ONECUT1: variants seen among roughly 807,000 people sequenced by gnomAD.
ONECUT1 encodes the protein hepatocyte nuclear factor 6.
Under a neutral mutation model 25.6 loss-of-function variants are expected in ONECUT1, and 12 were observed. That is an observed-to-expected ratio of 0.47 (90% CI 0.30 to 0.76). The LOEUF (loss-of-function observed/expected upper bound fraction) is 0.76, where lower values mean the gene tolerates loss of function less well. Ranked by LOEUF, ONECUT1 falls within the 30% of genes least tolerant of loss-of-function variation. The pLI is 0.07. For missense variants in ONECUT1, 620 were observed against 651.2 expected (o/e 0.95, Z 0.52); for synonymous variants, 285 against 270.2 (o/e 1.05, Z -0.54).
intron 1 of ONECUT1, among the ~76,000 whole-genome samples, chr15:52,767,132 C>T (rs190016444): frequency 2.8e-4 from 43 of 151,874 alleles, no homozygotes; most frequent in Admixed American, 1.4e-3. Flanking sequence ...AAGAGACTGG[C>T]CCAAGTCACC....
In ONECUT1 at chr15:52,788,861, A is replaced by T; in HGVS notation, c.1024T>A (p.Ser342Thr). The change falls in exon 1 of 2, where the codon TCC (serine) becomes ACC (threonine). Residue 342 changes from serine (S) to threonine (T), a missense_variant. Physicochemically the swap from Ser to Thr is moderately conservative, Grantham distance 58 (BLOSUM62 1). This residue lies in a region of ONECUT1 where 146 missense variants were observed against 201.8 expected (regional missense o/e 0.72). Transcript: ENST00000305901. This position sits in a 1 kb window ranked among gnomAD's most constrained non-coding sequence, Gnocchi z 4.3. ...ATCCTCCGGAAGGTCTCCCGGCCGG[A>T]TTTGAGTTTGCTCCAGGGTTTGGGG... ...RNPKPWSKLK[S>T]GRETFRRMWK... 1 of 1,613,940 alleles carries T rather than the reference A, an allele frequency of 6.2e-7. No individual in the cohort carries two copies. The highest frequency in any genetic ancestry group is 8.5e-7 in the Non-Finnish European group (1 of 1,179,984).
chr15:52,783,789 C>T (rs2083856382), intron 1 of ONECUT1, among the ~76,000 whole-genome samples: 1 of 152,212 alleles, frequency 6.6e-6, no homozygotes, highest in Non-Finnish European at 1.5e-5. Flanking sequence ...AAGCATACTT[C>T]GGATACAAAA....
intron 1 of ONECUT1, among the ~76,000 whole-genome samples, chr15:52,778,411 G>C (rs909679015): frequency 6.6e-6 from 1 of 152,158 alleles, no homozygotes; most frequent in Admixed American, 6.5e-5. Flanking sequence ...ATGTCTCTAA[G>C]AGCATTTATG....
rs1344266596 is a variant in ONECUT1 at position 52,757,286 on chromosome 15, A to G, written c.*269T>C. 2 of 436,562 alleles carry G rather than the reference A, an allele frequency of 4.6e-6. No individual in the cohort carries two copies. 27.0% of individuals were successfully genotyped at this position (436,562 alleles called of 1,614,324 possible). A position where few individuals can be genotyped will look rare whatever the true frequency, so the allele number is the denominator to read the frequency against. On this transcript the variant is annotated 3_prime_UTR_variant, in exon 2 of 2. Coordinates refer to ENST00000305901, the MANE Select transcript of ONECUT1 (RefSeq NM_004498.4). ...AACCACTAAACAGCCAAGCACAGCG[A>G]GGATGGTCATGGATTGAAGGTGTGA...
At position 52,757,264 on chromosome 15, in the gene ONECUT1, C is replaced by A; in HGVS notation, c.*291G>T. 1 of 364,470 alleles carries A rather than the reference C, an allele frequency of 2.7e-6. No homozygotes were observed. The highest frequency in any genetic ancestry group is 5.0e-6 in the Non-Finnish European group (1 of 202,004). 22.6% of individuals were successfully genotyped at this position (364,470 alleles called of 1,614,324 possible). On this transcript the variant is annotated 3_prime_UTR_variant, in exon 2 of 2. Coordinates refer to ENST00000305901, the MANE Select transcript of ONECUT1 (RefSeq NM_004498.4). The stretch of plus-strand genomic sequence containing the variant: ...GGCTCAAAATCACTATGCTCCAAAC[C>A]ACTAAACAGCCAAGCACAGCGAGGA...
At chr15:52,764,871 G>C (rs529647842) in intron 1 of ONECUT1, among the ~76,000 whole-genome samples, 16 of 152,344 alleles carry the variant, frequency 1.1e-4, no homozygotes, top group Admixed American at 9.1e-4. Flanking sequence ...AGTCACGCAA[G>C]GGGTGTCTTG....
chr15:52,761,246 T>C (rs920239439), intron 1 of ONECUT1, among the ~76,000 whole-genome samples: 2 of 152,202 alleles, frequency 1.3e-5, no homozygotes, highest in Non-Finnish European at 2.9e-5. Context: ...CCTCCTTCTG[T>C]CCAGTCTTAC....
chr15:52,760,669 T>C (rs1237392379), intron 1 of ONECUT1, among the ~76,000 whole-genome samples: 1 of 151,922 alleles, frequency 6.6e-6, no homozygotes, highest in Non-Finnish European at 1.5e-5. Context: ...TATTAGTAGA[T>C]TGGTATTTGT....
rs573555390 is a variant in ONECUT1, at chr15:52,789,017, C to G, written c.868G>C (p.Glu290Gln). The G allele has an allele frequency of 4.4e-6, 7 of 1,608,542 alleles. No homozygotes were observed. In the African/African-American group the frequency reaches 9.3e-5, roughly 21 times the overall value. Residue 290 changes from glutamate to glutamine, a missense_variant, in exon 1 of 2, where the codon GAA (glutamate) becomes CAA (glutamine). Glu to Gln is a conservative substitution (Grantham distance 29). Transcript: ENST00000305901. This position sits in a 1 kb window ranked among gnomAD's most constrained non-coding sequence, Gnocchi z 4.1. Reference sequence around the variant, plus strand: ...GCCACCTCTTTGGTATTGATCTCTTCCATCTGCCCTGAATTACTTCCATTG... The same window carrying G: ...GCCACCTCTTTGGTATTGATCTCTTGCATCTGCCCTGAATTACTTCCATTG... ...VSNGSNSGQM[E>Q]EINTKEVAQR...
In ONECUT1 at chr15:52,784,747, G is replaced by A. The variant is rs913994255; in HGVS notation, c.1105+4033C>T. Among the ~76,000 whole-genome samples, 10 of 152,324 alleles carry A rather than the reference G, an allele frequency of 6.6e-5. No individual in the cohort carries two copies. The highest frequency in any genetic ancestry group is 6.5e-4 in the Admixed American group (10 of 15,308). On this transcript the variant is annotated intron_variant, in intron 1 of 1. Coordinates refer to ENST00000305901, the MANE Select transcript of ONECUT1 (RefSeq NM_004498.4). The surrounding 1 kb of genome is among the most constrained non-coding windows in gnomAD (Gnocchi z 5.0). ...CGAGACCTTTTTTGGTTTTGCAGTCGGCTAGGTGTGTGTGTGTGAGGGTCC... is the reference window on the plus strand; with the variant it reads ...CGAGACCTTTTTTGGTTTTGCAGTCAGCTAGGTGTGTGTGTGTGAGGGTCC...
intron 1 of ONECUT1, among the ~76,000 whole-genome samples, chr15:52,758,645 G>A (rs538335895): frequency 6.6e-6 from 1 of 152,096 alleles, no homozygotes; most frequent in East Asian, 1.9e-4. Context: ...TCACTTACTT[G>A]GTCTCCCACT....
intron 1 of ONECUT1, chr15:52,780,913 G>A: frequency 7.8e-7 from 1 of 1,283,208 alleles, no homozygotes; most frequent in Non-Finnish European, 9.9e-7. Context: ...AGGAAGATGA[G>A]AAACACATGG....
At chr15:52,775,204 GCTAGAATA>G in intron 1 of ONECUT1, among the ~76,000 whole-genome samples, 1 of 146,344 alleles carries the variant, frequency 6.8e-6, no homozygotes, top group Non-Finnish European at 1.5e-5. Context: ...AAAAAAAAGA[GCTAGAATA>G]AGCTAGAATA....
chr15:52,760,865 A>G (rs192770019), intron 1 of ONECUT1, among the ~76,000 whole-genome samples: 228 of 152,270 alleles, frequency 1.5e-3, no homozygotes, highest in African/African-American at 5.2e-3. Flanking sequence ...ACTGGAAAGC[A>G]GCAAGATTAG....
At chr15:52,783,955 T>A (rs759206433) in intron 1 of ONECUT1, among the ~76,000 whole-genome samples, 1 of 152,194 alleles carries the variant, frequency 6.6e-6, no homozygotes, top group Non-Finnish European at 1.5e-5. Context: ...TTTCTTCCTA[T>A]CAAAATAGTT....
intron 1 of ONECUT1, among the ~76,000 whole-genome samples, chr15:52,777,192 ATACAGAGTAAGC>A (rs1193082086): frequency 1.3e-5 from 2 of 152,260 alleles, no homozygotes; most frequent in Non-Finnish European, 2.9e-5. Context: ...ACACACAGTT[ATACAGAGTAAGC>A]TACAGAGCTA....
Position 52,790,119 on chromosome 15 carries a change from C to G in ONECUT1, c.-235G>C, listed in dbSNP as rs966760275. 85 of 505,506 alleles carry G rather than the reference C, an allele frequency of 1.7e-4. No homozygotes were observed. Among genetic ancestry groups the G allele is most frequent in the Non-Finnish European group, 2.4e-4 (78 of 325,638 alleles). 31.3% of individuals were successfully genotyped at this position (505,506 alleles called of 1,614,324 possible). ...TCCCTCTTACCCCCCACCTTCCCCTCTGCGTCCTCGGCTTTTTTTTTTTTA... is the reference window on the plus strand; with the variant it reads ...TCCCTCTTACCCCCCACCTTCCCCTGTGCGTCCTCGGCTTTTTTTTTTTTA... On this transcript the variant is annotated 5_prime_UTR_variant, in exon 1 of 2. Coordinates refer to ENST00000305901, the MANE Select transcript of ONECUT1 (RefSeq NM_004498.4).
chr15:52,788,629 C>T lies in ONECUT1; in HGVS notation c.1105+151G>A, dbSNP rs1482285821. On this transcript the variant is annotated intron_variant, in intron 1 of 1. Coordinates refer to ENST00000305901, the MANE Select transcript of ONECUT1 (RefSeq NM_004498.4). This position sits in a 1 kb window ranked among gnomAD's most constrained non-coding sequence, Gnocchi z 4.3. ...GGCAATTTGCTCCCACAGCCCTGTG[C>T]TGGCCCTTCCAGGCACAGGGAGTCC... The T allele has an allele frequency of 3.7e-6, 3 of 816,484 alleles. No individual in the cohort carries two copies. The highest frequency in any genetic ancestry group is 2.7e-5 in the East Asian group (1 of 37,642). 50.6% of individuals were successfully genotyped at this position (816,484 alleles called of 1,614,324 possible). A position where few individuals can be genotyped will look rare whatever the true frequency, so the allele number is the denominator to read the frequency against.
intron 1 of ONECUT1, among the ~76,000 whole-genome samples, chr15:52,772,645 G>A (rs2083775661): frequency 6.6e-6 from 1 of 152,208 alleles, no homozygotes; most frequent in Non-Finnish European, 1.5e-5. Context: ...CTGTGGGCAA[G>A]TAAGTGTATC....
Sources: gnomAD v4.1 joint callset for allele counts (sites outside exome capture counted in the v4.1 genomes callset) on GRCh38, gnomAD v4.1.1 for gene constraint, gnomAD v4.1.1 regional missense constraint, Gnocchi (gnomAD v3.1) non-coding constraint, MANE v1.5 for transcripts, NCBI Gene and HGNC (gene_info 2026-07-23, HGNC 2026-07-21) for gene names.